The following ZCWPW2 variants were observed in gnomAD, a reference collection of about 807,000 sequenced individuals.
ZCWPW2 encodes the protein zinc finger CW-type and PWWP domain containing 2.
ZCWPW2 carries 45 observed loss-of-function variants against 46.6 expected under a neutral mutation model. That is an observed-to-expected ratio of 0.96 (90% confidence interval 0.76 to 1.24). ZCWPW2 has a LOEUF of 1.24. Among genes scored for constraint, ZCWPW2 ranks in the 50% most tolerant of loss-of-function variants. The probability of loss-of-function intolerance (pLI) is 0.00; values close to 1 mark genes in which losing one functional copy is unlikely to be tolerated. For missense variants in ZCWPW2, 429 were observed against 403.9 expected (o/e 1.06, Z -0.53); for synonymous variants, 152 against 137.1 (o/e 1.11, Z -0.76).
intron 4 of ZCWPW2, among the ~76,000 whole-genome samples, chr3:28,445,505 A>G (rs1047062672): frequency 6.6e-6 from 1 of 152,154 alleles, no homozygotes; most frequent in African/African-American, 2.4e-5. Flanking sequence ...TAACTTTAGG[A>G]TGTAATCCTC....
At chr3:28,376,793 C>T (rs1309322661) in intron 1 of ZCWPW2, among the ~76,000 whole-genome samples, 1 of 152,038 alleles carries the variant, frequency 6.6e-6, no homozygotes, top group Non-Finnish European at 1.5e-5. Context: ...ATCTTTTGTT[C>T]ACTGATAACT....
At chr3:28,431,032 T>A (rs1697233049) in intron 3 of ZCWPW2, among the ~76,000 whole-genome samples, 1 of 152,162 alleles carries the variant, frequency 6.6e-6, no homozygotes, top group African/African-American at 2.4e-5. Context: ...ATAGATTTAT[T>A]TTATAACTTT....
At chr3:28,383,747 T>C (rs1406041890) in intron 1 of ZCWPW2, among the ~76,000 whole-genome samples, 1 of 152,112 alleles carries the variant, frequency 6.6e-6, no homozygotes, top group African/African-American at 2.4e-5. Flanking sequence ...CTCCCTCACA[T>C]GAACCTAAAC....
At chr3:28,485,936 ATATCAAT>A (rs1024461317) in intron 5 of ZCWPW2, among the ~76,000 whole-genome samples, 1 of 151,896 alleles carries the variant, frequency 6.6e-6, no homozygotes, top group Non-Finnish European at 1.5e-5. Flanking sequence ...CCCTCTTGAC[ATATCAAT>A]TATCAATTAT....
At chr3:28,508,844 G>A (rs1256306081) in intron 6 of ZCWPW2, among the ~76,000 whole-genome samples, 3 of 152,004 alleles carry the variant, frequency 2.0e-5, no homozygotes, top group Non-Finnish European at 4.4e-5. Context: ...ACCTTTCCAT[G>A]TCATTCCGTT....
intron 2 of ZCWPW2, among the ~76,000 whole-genome samples, chr3:28,408,783 T>C (rs1696268991): frequency 6.6e-6 from 1 of 151,454 alleles, no homozygotes; most frequent in Non-Finnish European, 1.5e-5. Flanking sequence ...ATTGATAATC[T>C]CATTCTTTCT....
At chr3:28,365,078 T>G (rs1301194339) in intron 1 of ZCWPW2, among the ~76,000 whole-genome samples, 2 of 151,702 alleles carry the variant, frequency 1.3e-5, no homozygotes, top group African/African-American at 4.8e-5. Flanking sequence ...TTGCAAAAAT[T>G]TTCTCCCATT....
intron 3 of ZCWPW2, among the ~76,000 whole-genome samples, chr3:28,421,436 A>T (rs753534460): frequency 1.3e-5 from 2 of 152,134 alleles, no homozygotes; most frequent in African/African-American, 2.4e-5. Context: ...GTATGGGGGT[A>T]AATGTGGAGG....
intron 1 of ZCWPW2, among the ~76,000 whole-genome samples, chr3:28,382,513 A>G (rs1695143490): frequency 6.6e-6 from 1 of 152,206 alleles, no homozygotes; most frequent in Non-Finnish European, 1.5e-5. Flanking sequence ...GAACTTTAAC[A>G]TGTGAATTTT....
rs564379730 is a variant in ZCWPW2, at chr3:28,472,543, TATCTCTCGCCATAAATGAAA to T, written c.493-6267_493-6248del. Among the ~76,000 whole-genome samples, 4 of 152,248 alleles carry T rather than the reference TATCTCTCGCCATAAATGAAA, an allele frequency of 2.6e-5. No individual in the cohort carries two copies. In the South Asian group the frequency reaches 8.3e-4, roughly 32 times the overall value. The stretch of plus-strand genomic sequence containing the variant: ...ATATGCAGAAGAAAAACTAGAACCC[TATCTCTCGCCATAAATGAAA>T]ATCAAATAAAAATGGATTAAAGACT... On this transcript the variant is annotated intron_variant, in intron 4 of 9. Transcript: ENST00000383768.
At chr3:28,371,431 G>T (rs1167141922) in intron 1 of ZCWPW2, among the ~76,000 whole-genome samples, 2 of 152,128 alleles carry the variant, frequency 1.3e-5, no homozygotes, top group East Asian at 3.9e-4. Flanking sequence ...GGGGGATTTT[G>T]TTAAATTGAC....
At chr3:28,436,916 G>A (rs13087774) in intron 4 of ZCWPW2, among the ~76,000 whole-genome samples, 33,677 of 152,104 alleles carry the variant, frequency 0.22, 4,264 homozygotes, top group Middle Eastern at 0.29. Flanking sequence ...CCTCAGGATA[G>A]CTGAGATTTC....
At chr3:28,454,584 C>A (rs1698355446) in intron 4 of ZCWPW2, among the ~76,000 whole-genome samples, 2 of 152,254 alleles carry the variant, frequency 1.3e-5, no homozygotes, top group Middle Eastern at 6.8e-3. Flanking sequence ...TCCCATCACC[C>A]AGGTATTAAG....
chr3:28,451,180 T>C (rs1049921257), intron 4 of ZCWPW2, among the ~76,000 whole-genome samples: 22 of 152,184 alleles, frequency 1.4e-4, no homozygotes, highest in African/African-American at 5.3e-4. Context: ...AGGCCACTAA[T>C]GTTTATATCA....
At chr3:28,370,754 T>TA (rs1337215049) in intron 1 of ZCWPW2, among the ~76,000 whole-genome samples, 4 of 152,150 alleles carry the variant, frequency 2.6e-5, no homozygotes, top group South Asian at 2.1e-4. Flanking sequence ...GTTTTTGAGA[T>TA]AGAGTTTTGC....
chr3:28,453,437 C>T (rs2125781637), intron 4 of ZCWPW2, among the ~76,000 whole-genome samples: 1 of 152,264 alleles, frequency 6.6e-6, no homozygotes, highest in Admixed American at 6.5e-5. Flanking sequence ...CCTTTTCCAT[C>T]ATCAAATGCA....
chr3:28,375,063 G>C (rs904036744), intron 1 of ZCWPW2, among the ~76,000 whole-genome samples: 3 of 151,434 alleles, frequency 2.0e-5, no homozygotes, highest in Non-Finnish European at 4.4e-5. Flanking sequence ...CTGAATTCAC[G>C]CCTTTATCAT....
At chr3:28,508,357 AT>A (rs1038054066) in intron 6 of ZCWPW2, among the ~76,000 whole-genome samples, 3 of 151,180 alleles carry the variant, frequency 2.0e-5, no homozygotes, top group Non-Finnish European at 3.0e-5. Context: ...TTCTGAGTTA[AT>A]TTTTTTTTAG....
At chr3:28,524,072 C>G (rs1377912832) in intron 9 of ZCWPW2, among the ~76,000 whole-genome samples, 1 of 151,892 alleles carries the variant, frequency 6.6e-6, no homozygotes, top group Non-Finnish European at 1.5e-5. Context: ...TCAAATAAAT[C>G]CACATATGCA....
Sources: gnomAD v4.1 joint callset for allele counts (sites outside exome capture counted in the v4.1 genomes callset) on GRCh38, gnomAD v4.1.1 for gene constraint, MANE v1.5 for transcripts, NCBI Gene and HGNC (gene_info 2026-07-23, HGNC 2026-07-21) for gene names.